Variants in CDH4 observed in about 807,000 individuals in gnomAD.
CDH4 encodes cadherin 4, also known as cadherin-4.
Under a neutral mutation model 86.0 loss-of-function variants are expected in CDH4, and 33 were observed. The ratio of observed to expected loss-of-function variants is 0.38; its 90% CI spans 0.29 to 0.51. The LOEUF (loss-of-function observed/expected upper bound fraction) is 0.51. Among genes scored for constraint, CDH4 ranks in the 20% least tolerant of loss-of-function variants. The pLI is 0.86. For missense variants in CDH4, 1,114 were observed against 1,307.4 expected, an observed-to-expected ratio of 0.85 and a Z score of 2.28; for synonymous variants, 555 against 549.4, an observed-to-expected ratio of 1.01 and a Z score of -0.14.
chr20:61,869,076 G>A (rs150634885), intron 6 of CDH4, among the ~76,000 whole-genome samples: 254 of 152,370 alleles, frequency 1.7e-3, no homozygotes, highest in Middle Eastern at 6.8e-3. Context: ...CCTTTATTCT[G>A]AGACTAAGTC....
chr20:61,652,926 A>ATTTTTTTT (rs1430069868), intron 2 of CDH4, among the ~76,000 whole-genome samples: 8 of 112,602 alleles, frequency 7.1e-5, no homozygotes, highest in African/African-American at 2.4e-4. Context: ...GAATTTATTT[A>ATTTTTTTT]TTTATTTATT....
intron 2 of CDH4, among the ~76,000 whole-genome samples, chr20:61,331,833 C>A (rs1015116685): frequency 6.6e-6 from 1 of 152,070 alleles, no homozygotes; most frequent in Admixed American, 6.5e-5. Context: ...TCTGTCTCTT[C>A]CCCTGGACCG....
At chr20:61,284,379 C>T (rs2084281929) in intron 2 of CDH4, among the ~76,000 whole-genome samples, 1 of 152,144 alleles carries the variant, frequency 6.6e-6, no homozygotes, top group South Asian at 2.1e-4. Context: ...TTTGCGTTTT[C>T]TACTGAGGGT....
intron 2 of CDH4, among the ~76,000 whole-genome samples, chr20:61,650,249 C>G (rs1282403608): frequency 2.6e-5 from 4 of 152,234 alleles, no homozygotes; most frequent in Non-Finnish European, 5.9e-5. Flanking sequence ...GGGGCCCTCC[C>G]TGCTCTGGTC....
At chr20:61,718,180 C>G (rs1441160098) in intron 2 of CDH4, 1 of 153,706 alleles carries the variant, frequency 6.5e-6, no homozygotes, top group African/African-American at 2.4e-5. Flanking sequence ...GCCGCTGGGT[C>G]CTGCTGCCTT....
intron 6 of CDH4, among the ~76,000 whole-genome samples, chr20:61,870,270 A>G (rs1600725194): frequency 6.6e-6 from 1 of 152,268 alleles, no homozygotes; most frequent in East Asian, 1.9e-4. Flanking sequence ...TTTCTCTGAG[A>G]CATGACAAAC....
chr20:61,784,990 C>T (rs1978799519), intron 4 of CDH4, among the ~76,000 whole-genome samples: 1 of 152,266 alleles, frequency 6.6e-6, no homozygotes, highest in African/African-American at 2.4e-5. Flanking sequence ...CTGAGCCACG[C>T]TGGCCACTCC....
Position 61,883,999 on chromosome 20 carries a change from C to T in CDH4, c.1050+10099C>T, listed in dbSNP as rs544616331. On this transcript the variant is annotated intron_variant, in intron 7 of 15. Transcript: ENST00000614565. ...GAAGCAGAGACTTTCTTTGTGGCCT[C>T]CCCTGCCCCCAACAGCAGGCCGAGG... is the stretch of plus-strand genomic sequence containing the variant. Among the ~76,000 whole-genome samples, 227 of 152,304 alleles carry T rather than the reference C, an allele frequency of 1.5e-3. 2 individuals carry two copies. Among genetic ancestry groups the T allele is most frequent in the Admixed American group, 4.1e-3 (63 of 15,286 alleles).
At chr20:61,605,529 GTCTC>G (rs2086637581) in intron 2 of CDH4, among the ~76,000 whole-genome samples, 1 of 147,894 alleles carries the variant, frequency 6.8e-6, no homozygotes, top group South Asian at 2.2e-4. Flanking sequence ...CTCCCTTTCT[GTCTC>G]TCTCCTTCTG....
At chr20:61,333,098 A>T (rs972145475) in intron 2 of CDH4, among the ~76,000 whole-genome samples, 1 of 152,230 alleles carries the variant, frequency 6.6e-6, no homozygotes, top group African/African-American at 2.4e-5. Context: ...TTGGTGGCAG[A>T]CTTCCTTGGC....
intron 6 of CDH4, among the ~76,000 whole-genome samples, chr20:61,863,590 C>T (rs541464815): frequency 1.1e-4 from 16 of 152,240 alleles, no homozygotes; most frequent in African/African-American, 3.9e-4. Context: ...GCAGGGCTCG[C>T]ACTTGAGCAT....
intron 2 of CDH4, among the ~76,000 whole-genome samples, chr20:61,673,517 T>C (rs2087412932): frequency 6.6e-6 from 1 of 152,216 alleles, no homozygotes; most frequent in South Asian, 2.1e-4. Flanking sequence ...TCACCTTAGA[T>C]GAAATGTCAG....
At chr20:61,443,727 G>A (rs765084205) in intron 2 of CDH4, among the ~76,000 whole-genome samples, 3 of 152,254 alleles carry the variant, frequency 2.0e-5, no homozygotes, top group African/African-American at 4.8e-5. Flanking sequence ...ATTTATACGC[G>A]GGCAGGGCCT....
At chr20:61,373,319 G>A (rs886529083) in intron 2 of CDH4, among the ~76,000 whole-genome samples, 1 of 152,212 alleles carries the variant, frequency 6.6e-6, no homozygotes, top group Non-Finnish European at 1.5e-5. Context: ...CCCAGCTCAG[G>A]GGAGAGCCAG....
chr20:61,580,644 G>A (rs954061849), intron 2 of CDH4, among the ~76,000 whole-genome samples: 4 of 152,162 alleles, frequency 2.6e-5, no homozygotes, highest in Admixed American at 6.5e-5. Flanking sequence ...CGCTCTAGGG[G>A]GGGAAATTAG....
chr20:61,718,191 C>T (rs1382961275), intron 2 of CDH4: 1 of 153,950 alleles, frequency 6.5e-6, no homozygotes, highest in Admixed American at 6.4e-5. Context: ...CTGCTGCCTT[C>T]CCCAGGGCAG....
chr20:61,258,337 A>AAAAAAAAAG (rs1568770349), intron 2 of CDH4, among the ~76,000 whole-genome samples: 7 of 146,416 alleles, frequency 4.8e-5, no homozygotes, highest in African/African-American at 1.8e-4. Flanking sequence ...CTCAAAAAAA[A>AAAAAAAAAG]AAAAAAAAGA....
intron 2 of CDH4, among the ~76,000 whole-genome samples, chr20:61,686,389 G>A (rs1243308143): frequency 3.9e-5 from 6 of 152,048 alleles, no homozygotes; most frequent in Non-Finnish European, 5.9e-5. Context: ...GTATATGTGT[G>A]TGTGCATTCA....
intron 2 of CDH4, among the ~76,000 whole-genome samples, chr20:61,355,606 A>G (rs575169269): frequency 6.6e-6 from 1 of 152,220 alleles, no homozygotes. Context: ...GGTCTGAGAG[A>G]AAAAAACAGA....
Sources: allele counts gnomAD v4.1 joint callset (sites outside exome capture counted in the v4.1 genomes callset), GRCh38; gene constraint gnomAD v4.1.1; transcripts MANE v1.5; gene names NCBI Gene and HGNC (gene_info 2026-07-23, HGNC 2026-07-21).